The following CCDC158 variants were observed in gnomAD, a reference collection of about 807,000 sequenced individuals.
The protein encoded by CCDC158 is coiled-coil domain containing 158.
CCDC158 carries 116 observed loss-of-function variants against 138.6 expected under a neutral mutation model. The ratio of observed to expected loss-of-function variants is 0.84; its 90% CI spans 0.72 to 0.98. CCDC158 has a LOEUF of 0.98. Ranked by LOEUF, CCDC158 falls within the 50% of genes least tolerant of loss-of-function variation. The pLI, the probability that CCDC158 is intolerant of heterozygous loss-of-function variation, is 0.00. For synonymous variants in CCDC158, 436 were observed against 442.4 expected, an observed-to-expected ratio of 0.99 and a Z score of 0.18; for missense variants, 1,265 against 1,306.1, an observed-to-expected ratio of 0.97 and a Z score of 0.48.
intron 13 of CCDC158, among the ~76,000 whole-genome samples, chr4:76,361,363 C>T (rs1213464153): frequency 6.6e-6 from 1 of 152,078 alleles, no homozygotes; most frequent in Admixed American, 6.6e-5. Flanking sequence ...GAGATCGAGA[C>T]CATCCTGGCT....
intron 18 of CCDC158, among the ~76,000 whole-genome samples, chr4:76,350,204 G>T (rs956526319): frequency 1.3e-5 from 2 of 152,108 alleles, no homozygotes; most frequent in African/African-American, 4.8e-5. Context: ...TTATTCTATT[G>T]TTTGATAGAC....
intron 24 of CCDC158, among the ~76,000 whole-genome samples, chr4:76,313,901 C>T (rs940335138): frequency 2.0e-5 from 3 of 152,160 alleles, no homozygotes; most frequent in African/African-American, 7.2e-5. Context: ...GTTGTAACTG[C>T]ATAGTATTTA....
chr4:76,323,321 A>T lies in CCDC158; in HGVS notation c.3258T>A (p.Asp1086Glu), dbSNP rs1720214096. Residue 1086 changes from aspartate to glutamate, a missense_variant, in exon 24 of 25, where the codon GAT becomes GAA. Physicochemically the swap from Asp to Glu is conservative, Grantham distance 45. Transcript: ENST00000682701. ...CTGTACCTTGGTTCTTCAGCTGTAA[A>T]TCTTCTACCAGAGTTTGCAAGCTTT... ...RLESLQTLVE[D>E]LQLKNQAMSS... 1 of 1,611,742 alleles carries T rather than the reference A, an allele frequency of 6.2e-7. No homozygotes were observed. The highest frequency in any genetic ancestry group is 1.1e-5 in the South Asian group (1 of 90,450).
intron 22 of CCDC158, among the ~76,000 whole-genome samples, chr4:76,326,660 T>C (rs1445371250): frequency 6.6e-6 from 1 of 152,158 alleles, no homozygotes; most frequent in Non-Finnish European, 1.5e-5. Context: ...GAACAGACTA[T>C]ATTTAAATAA....
chr4:76,326,216 G>A (rs1176290154), intron 22 of CCDC158, among the ~76,000 whole-genome samples: 5 of 152,092 alleles, frequency 3.3e-5, no homozygotes, highest in Admixed American at 3.3e-4. Flanking sequence ...AATTAGACCT[G>A]CCCTTGGGAT....
At position 76,325,864 on chromosome 4, in the gene CCDC158, A is replaced by G. The variant is rs1444938233; in HGVS notation, c.3162T>C (p.Ser1054=). 6 of 1,608,510 alleles carry G rather than the reference A, an allele frequency of 3.7e-6. No individual in the cohort carries two copies. The highest frequency in any genetic ancestry group is 4.2e-6 in the Non-Finnish European group (5 of 1,178,128). The part of the protein sequence containing the change: ...RSAKPIHSSD[S]VKDSQSPPIE... The stretch of plus-strand genomic sequence containing the variant: ...ATATCAGATCTTTCTTACCTTTAAC[A>G]GAATCAGATGAATGAATAGGTTTGG... The change falls in exon 23 of 25, where the codon TCT becomes TCC. Residue 1054 remains serine (S), a synonymous_variant. Coordinates refer to ENST00000682701, the MANE Select transcript of CCDC158 (RefSeq NM_001394954.1).
intron 19 of CCDC158, among the ~76,000 whole-genome samples, chr4:76,333,261 A>G (rs539418435): frequency 1.5e-4 from 23 of 152,330 alleles, no homozygotes; most frequent in Middle Eastern, 3.4e-3. Context: ...TATAGGTATC[A>G]TTTCAGGAAG....
chr4:76,360,268 C>G (rs553701951), intron 13 of CCDC158, among the ~76,000 whole-genome samples: 124 of 152,320 alleles, frequency 8.1e-4, no homozygotes, highest in African/African-American at 3.0e-3. Flanking sequence ...AAGTCTGCTG[C>G]AGGAGCAGAG....
chr4:76,402,992 T>G (rs1728533711), intron 3 of CCDC158, 146 bp downstream of exon 3: 2 of 596,184 alleles, frequency 3.4e-6, no homozygotes, highest in Non-Finnish European at 5.7e-6. Flanking sequence ...CTTCAAAAAG[T>G]AGAATTATAA....
At chr4:76,338,445 G>A (rs1721747611) in intron 18 of CCDC158, among the ~76,000 whole-genome samples, 1 of 152,192 alleles carries the variant, frequency 6.6e-6, no homozygotes, top group Non-Finnish European at 1.5e-5. Context: ...CTGGGAGGCA[G>A]AGGTTGTGGT....
At chr4:76,406,200 A>G (rs1381824540) in intron 2 of CCDC158, among the ~76,000 whole-genome samples, 1 of 152,226 alleles carries the variant, frequency 6.6e-6, no homozygotes, top group Non-Finnish European at 1.5e-5. Context: ...TTAAAATCCT[A>G]ATACCAGACT....
At chr4:76,402,436 G>A (rs375604414) in intron 3 of CCDC158, among the ~76,000 whole-genome samples, 7 of 152,180 alleles carry the variant, frequency 4.6e-5, no homozygotes, top group African/African-American at 1.4e-4. Context: ...AGCCCTCTCC[G>A]TGGTTCTACC....
intron 24 of CCDC158, among the ~76,000 whole-genome samples, chr4:76,318,626 T>C (rs976064003): frequency 1.3e-5 from 2 of 152,134 alleles, no homozygotes; most frequent in Non-Finnish European, 2.9e-5. Flanking sequence ...GTTTCAAACA[T>C]AAAGAAATAG....
At chr4:76,389,433 G>T (rs1202227548) in intron 4 of CCDC158, among the ~76,000 whole-genome samples, 1 of 151,868 alleles carries the variant, frequency 6.6e-6, no homozygotes, top group Non-Finnish European at 1.5e-5. Context: ...AAAGAAAAAA[G>T]AAAAGAAAAC....
intron 18 of CCDC158, chr4:76,345,024 C>A (rs888300781): frequency 7.2e-7 from 1 of 1,382,382 alleles, no homozygotes; most frequent in South Asian, 1.2e-5. Flanking sequence ...AACTTCCTTA[C>A]TAATTATTAC....
chr4:76,401,456 C>T (rs2109859003), intron 3 of CCDC158: 1 of 389,174 alleles, frequency 2.6e-6, no homozygotes, highest in African/African-American at 2.1e-5. Flanking sequence ...TGTGCTGAGG[C>T]CTTGAGTGCA....
chr4:76,408,335 G>C (rs368901316), intron 2 of CCDC158, among the ~76,000 whole-genome samples: 4 of 151,068 alleles, frequency 2.6e-5, no homozygotes, highest in Non-Finnish European at 5.9e-5. Context: ...ATCCCTCCCC[G>C]CTCCCCCCAC....
intron 13 of CCDC158, among the ~76,000 whole-genome samples, chr4:76,360,701 C>T (rs1724046788): frequency 6.6e-6 from 1 of 152,212 alleles, no homozygotes; most frequent in African/African-American, 2.4e-5. Flanking sequence ...ACAGGAACAT[C>T]TACCCAGTGC....
chr4:76,379,825 AT>A (rs1343658172), intron 8 of CCDC158, among the ~76,000 whole-genome samples: 1 of 151,778 alleles, frequency 6.6e-6, no homozygotes, highest in East Asian at 1.9e-4. Context: ...TCAAATTGTA[AT>A]CCCCACATGT....
Sources: gnomAD v4.1 joint callset for allele counts (sites outside exome capture counted in the v4.1 genomes callset) on GRCh38, gnomAD v4.1.1 for gene constraint, MANE v1.5 for transcripts, NCBI Gene and HGNC (gene_info 2026-07-23, HGNC 2026-07-21) for gene names.